HS3ST4: variants seen among roughly 807,000 people sequenced by gnomAD.
HS3ST4 encodes heparan sulfate-glucosamine 3-sulfotransferase 4.
A neutral mutation model predicts 29.2 loss-of-function variants in HS3ST4; 17 were observed. That is an observed-to-expected ratio of 0.58 (90% CI 0.40 to 0.87). The LOEUF is 0.87. Among genes scored for constraint, HS3ST4 ranks in the 40% least tolerant of loss-of-function variants. HS3ST4 has a pLI of 0.00. For missense variants in HS3ST4, 627 were observed against 634.5 expected (o/e 0.99, Z 0.13); for synonymous variants, 314 against 285.7 (o/e 1.10, Z -1.00).
At chr16:26,038,654 T>TTATGTATGTATG (rs551652348) in intron 1 of HS3ST4, among the ~76,000 whole-genome samples, 82 of 149,750 alleles carry the variant, frequency 5.5e-4, no homozygotes, top group African/African-American at 1.7e-3. Flanking sequence ...TTTTTTTTAA[T>TTATGTATGTATG]TATGTATGTA....
At chr16:25,987,415 G>A (rs550165910) in intron 1 of HS3ST4, among the ~76,000 whole-genome samples, 1 of 152,010 alleles carries the variant, frequency 6.6e-6, no homozygotes, top group Non-Finnish European at 1.5e-5. Context: ...CTTTGTGCCT[G>A]TAAGTACTTT....
intron 1 of HS3ST4, among the ~76,000 whole-genome samples, chr16:25,853,381 C>G (rs556609902): frequency 6.6e-6 from 1 of 151,406 alleles, no homozygotes; most frequent in Non-Finnish European, 1.5e-5. Flanking sequence ...AATTTGGATG[C>G]GTTTAATTTC....
intron 1 of HS3ST4, among the ~76,000 whole-genome samples, chr16:25,905,858 C>T (rs149144502): frequency 8.5e-5 from 13 of 152,142 alleles, no homozygotes; most frequent in Non-Finnish European, 1.6e-4. Context: ...AGAGGCTTCA[C>T]GCATGTATCT....
intron 1 of HS3ST4, among the ~76,000 whole-genome samples, chr16:25,965,248 G>A (rs1968831671): frequency 6.6e-6 from 1 of 151,954 alleles, no homozygotes; most frequent in Non-Finnish European, 1.5e-5. Context: ...CGGGATCCTT[G>A]GTAAGGCAAG....
At chr16:26,127,482 G>T (rs530759757) in intron 1 of HS3ST4, among the ~76,000 whole-genome samples, 2 of 152,280 alleles carry the variant, frequency 1.3e-5, no homozygotes, top group East Asian at 3.9e-4. Context: ...TGTTACCAGG[G>T]ATTCTTTCCC....
At chr16:25,856,644 G>C (rs1361655625) in intron 1 of HS3ST4, among the ~76,000 whole-genome samples, 1 of 152,052 alleles carries the variant, frequency 6.6e-6, no homozygotes, top group Non-Finnish European at 1.5e-5. Context: ...AACAGATAAT[G>C]AGCTAAAAAA....
At chr16:26,045,964 C>G (rs567391269) in intron 1 of HS3ST4, among the ~76,000 whole-genome samples, 1 of 152,052 alleles carries the variant, frequency 6.6e-6, no homozygotes, top group South Asian at 2.1e-4. Flanking sequence ...TACATTACAT[C>G]GAAATTACAT....
At chr16:25,984,709 G>T (rs1245177643) in intron 1 of HS3ST4, among the ~76,000 whole-genome samples, 1 of 152,164 alleles carries the variant, frequency 6.6e-6, no homozygotes, top group Admixed American at 6.5e-5. Flanking sequence ...ATGCCCTCCA[G>T]TTCCATCCAC....
intron 1 of HS3ST4, among the ~76,000 whole-genome samples, chr16:25,914,887 G>T (rs971078331): frequency 5.3e-5 from 8 of 152,004 alleles, no homozygotes; most frequent in Middle Eastern, 3.4e-3. Context: ...TTATTGATAG[G>T]CTGAGAGTAA....
At chr16:25,783,623 G>T (rs1008091455) in intron 1 of HS3ST4, among the ~76,000 whole-genome samples, 44 of 152,256 alleles carry the variant, frequency 2.9e-4, no homozygotes, top group African/African-American at 9.9e-4. Context: ...GGTAGAATTT[G>T]TGCTTATTCA....
At chr16:25,982,031 G>GACAC (rs140563160) in intron 1 of HS3ST4, among the ~76,000 whole-genome samples, 15 of 104,748 alleles carry the variant, frequency 1.4e-4, no homozygotes, top group East Asian at 1.2e-3. Context: ...CACATACTGA[G>GACAC]ACACACAGAC....
At chr16:25,902,918 TG>T (rs1185409785) in intron 1 of HS3ST4, among the ~76,000 whole-genome samples, 2 of 151,116 alleles carry the variant, frequency 1.3e-5, no homozygotes, top group East Asian at 3.9e-4. Flanking sequence ...GTCAACATGG[TG>T]AGACCCTGTC....
At chr16:25,839,439 A>T (rs552161865) in intron 1 of HS3ST4, among the ~76,000 whole-genome samples, 7 of 152,272 alleles carry the variant, frequency 4.6e-5, no homozygotes, top group African/African-American at 1.7e-4. Context: ...ATATTCCCAT[A>T]ATTTTCTACC....
At chr16:26,046,960 C>T (rs1388867676) in intron 1 of HS3ST4, among the ~76,000 whole-genome samples, 1 of 152,112 alleles carries the variant, frequency 6.6e-6, no homozygotes, top group Non-Finnish European at 1.5e-5. Context: ...GAAGTCTGTG[C>T]TGTTAACTAG....
At chr16:25,735,838 A>G (rs577478052) in intron 1 of HS3ST4, among the ~76,000 whole-genome samples, 2 of 152,312 alleles carry the variant, frequency 1.3e-5, no homozygotes, top group South Asian at 2.1e-4. Context: ...GAGCCTAATG[A>G]CATAGACCTG....
At position 25,716,398 on chromosome 16, in the gene HS3ST4, G is replaced by A. The variant is rs374074481; in HGVS notation, c.734+23247G>A. ...AATGGGATTTGAGAGTAGCTGCTGT[G>A]GCAACTTCTGGGAAACAGCCTTATG... On this transcript the variant is annotated intron_variant, in intron 1 of 1. Transcript: ENST00000331351. Among the ~76,000 whole-genome samples, 15 of 152,254 alleles carry A rather than the reference G, an allele frequency of 9.9e-5. No individual in the cohort carries two copies. In the South Asian group the frequency reaches 1.2e-3, roughly 13 times the overall value.
At chr16:25,757,279 T>C (rs1367835592) in intron 1 of HS3ST4, among the ~76,000 whole-genome samples, 1 of 152,118 alleles carries the variant, frequency 6.6e-6, no homozygotes, top group African/African-American at 2.4e-5. Context: ...AAATTGGGAG[T>C]TGTGAGATCT....
intron 1 of HS3ST4, among the ~76,000 whole-genome samples, chr16:25,780,038 C>T (rs974218077): frequency 2.0e-5 from 3 of 152,170 alleles, no homozygotes; most frequent in Non-Finnish European, 2.9e-5. Flanking sequence ...GGCAAGCGGG[C>T]GCACAAGTGT....
intron 1 of HS3ST4, among the ~76,000 whole-genome samples, chr16:25,874,308 AG>A (rs1567261810): frequency 6.6e-6 from 1 of 152,162 alleles, no homozygotes; most frequent in African/African-American, 2.4e-5. Context: ...TGAGTAGAGT[AG>A]CTGGGGTTAT....
Sources: gnomAD v4.1 joint callset for allele counts (sites outside exome capture counted in the v4.1 genomes callset) on GRCh38, gnomAD v4.1.1 for gene constraint, MANE v1.5 for transcripts, NCBI Gene and HGNC (gene_info 2026-07-23, HGNC 2026-07-21) for gene names.